The following ZBTB21 variants were observed in gnomAD, a reference collection of about 807,000 sequenced individuals.
The protein encoded by ZBTB21 is zinc finger and BTB domain-containing protein 21.
In ZBTB21, 10 loss-of-function variants were observed where a neutral mutation model predicts 39.8. That is an observed-to-expected ratio of 0.25 (90% CI 0.16 to 0.43). The LOEUF is 0.43. Ranked by LOEUF, ZBTB21 falls within the 20% of genes least tolerant of loss-of-function variation. The pLI, the probability that ZBTB21 is intolerant of heterozygous loss-of-function variation, is 1.00. For synonymous variants in ZBTB21, 551 were observed against 498.8 expected (o/e 1.10, Z -1.40); for missense variants, 1,221 against 1,296.3 (o/e 0.94, Z 0.89).
At chr21:41,997,926 C>T (rs1035840851) in intron 2 of ZBTB21, among the ~76,000 whole-genome samples, 1 of 151,550 alleles carries the variant, frequency 6.6e-6, no homozygotes, top group Non-Finnish European at 1.5e-5. Flanking sequence ...GTGGCAGATC[C>T]CTCACCTGAG....
Position 41,991,151 on chromosome 21 carries a change from G to A in ZBTB21, c.2945C>T (p.Pro982Leu), listed in dbSNP as rs2065646655. Residue 982 changes from proline (P) to leucine (L), a missense_variant, in exon 3 of 3, where the codon CCC becomes CTC. Coordinates refer to ENST00000310826, the MANE Select transcript of ZBTB21 (RefSeq NM_001098402.2). The surrounding 1 kb of genome is among the most constrained non-coding windows in gnomAD (Gnocchi z 4.9). Reference protein sequence around the residue: ...SEVCPVPTNSPSPPPLPPPPP... With the variant: ...SEVCPVPTNSLSPPPLPPPPP... ...TGGCGGTGGCAGAGGTGGTGGAGAGGGAGAGTTTGTGGGAACAGGGCACAC... is the reference window on the plus strand; with the variant it reads ...TGGCGGTGGCAGAGGTGGTGGAGAGAGAGAGTTTGTGGGAACAGGGCACAC... The A allele has an allele frequency of 6.2e-7, 1 of 1,614,040 alleles. No homozygotes were observed. Among genetic ancestry groups the A allele is most frequent in the African/African-American group, 1.3e-5 (1 of 74,916 alleles).
At chr21:42,005,561 T>C (rs1298247979) in intron 1 of ZBTB21, among the ~76,000 whole-genome samples, 1 of 152,212 alleles carries the variant, frequency 6.6e-6, no homozygotes, top group East Asian at 1.9e-4. Flanking sequence ...CTTTTTCCAT[T>C]CAAGCCAGAC....
chr21:41,997,926 C>G (rs1035840851), intron 2 of ZBTB21, among the ~76,000 whole-genome samples: 4 of 151,550 alleles, frequency 2.6e-5, no homozygotes, highest in African/African-American at 9.7e-5. Context: ...GTGGCAGATC[C>G]CTCACCTGAG....
intron 2 of ZBTB21, among the ~76,000 whole-genome samples, chr21:42,001,493 G>A (rs1228450603): frequency 6.6e-6 from 1 of 152,228 alleles, no homozygotes; most frequent in Non-Finnish European, 1.5e-5. Context: ...GCCTAGTCCA[G>A]TATGCTGAGC....
chr21:41,991,093 A>G lies in ZBTB21; in HGVS notation c.3003T>C (p.Pro1001=). The G allele has an allele frequency of 6.2e-7, 1 of 1,611,768 alleles. No individual in the cohort carries two copies. The highest frequency in any genetic ancestry group is 1.1e-5 in the South Asian group (1 of 90,648). ...TTTCGGACAGGCCTGTGGGGCTGTC[A>G]GGCTCCAGAGGCTGGATCTTGGGCA... ...PPLPKIQPLE[P]DSPTGLSENP... The change falls in exon 3 of 3, where the codon CCT becomes CCC. Residue 1001 remains proline, a synonymous_variant. Coordinates refer to ENST00000310826, the MANE Select transcript of ZBTB21 (RefSeq NM_001098402.2). This position sits in a 1 kb window ranked among gnomAD's most constrained non-coding sequence, Gnocchi z 4.9.
At chr21:42,004,920 G>C (rs2065861342) in intron 1 of ZBTB21, among the ~76,000 whole-genome samples, 1 of 152,218 alleles carries the variant, frequency 6.6e-6, no homozygotes, top group South Asian at 2.1e-4. Context: ...AGTTGCCTCT[G>C]AGTTTCGGTC....
chr21:41,991,660 G>A lies in ZBTB21; in HGVS notation c.2436C>T (p.Pro812=), dbSNP rs145176244. 4.5e-4 allele frequency: 721 copies of A among 1,614,064 alleles called. No individual in the cohort carries two copies. Among genetic ancestry groups the A allele is most frequent in the Non-Finnish European group, 5.5e-4 (654 of 1,180,032 alleles). Residue 812 remains proline, a synonymous_variant, in exon 3 of 3, where the codon CCC becomes CCT. Transcript: ENST00000310826. The surrounding 1 kb of genome is among the most constrained non-coding windows in gnomAD (Gnocchi z 4.9). ...TCACATCACCATTGTGGTCCAAAAC[G>A]GGCAAAGAAAAGTTTTCGGTGGGTG... ...NMAPTENFSL[P]VLDHNGDVTG...
At chr21:42,006,549 T>G (rs1405239123) in intron 1 of ZBTB21, among the ~76,000 whole-genome samples, 2 of 152,110 alleles carry the variant, frequency 1.3e-5, no homozygotes, top group African/African-American at 4.8e-5. Context: ...CTCCCCAATC[T>G]GGAAAGTCCT....
rs1333479266 is a variant in ZBTB21 at position 41,991,899 on chromosome 21, A to G, written c.2197T>C (p.Ser733Pro). 5.0e-6 allele frequency: 8 copies of G among 1,614,130 alleles called. No homozygotes were observed. The highest frequency in any genetic ancestry group is 1.1e-5 in the South Asian group (1 of 91,084). The change falls in exon 3 of 3, where the codon TCT becomes CCT. Residue 733 changes from serine (S) to proline (P), a missense_variant. By Grantham distance (74) the Ser-to-Pro change is moderately conservative. This residue lies in a region of ZBTB21 where 523 missense variants were observed against 542.5 expected (regional missense o/e 0.96). Transcript: ENST00000310826. This position sits in a 1 kb window ranked among gnomAD's most constrained non-coding sequence, Gnocchi z 4.9. The part of the protein sequence containing the change: ...QCRLCNAKLS[S>P]LLEQGSHERL... The stretch of plus-strand genomic sequence containing the variant: ...TCGTGGCTTCCTTGCTCTAGGAGAG[A>G]AGAGAGCTTAGCATTACAGAGGCGG...
intron 1 of ZBTB21, among the ~76,000 whole-genome samples, chr21:42,006,573 A>G (rs1368518388): frequency 1.3e-5 from 2 of 151,818 alleles, no homozygotes; most frequent in African/African-American, 4.8e-5. Flanking sequence ...ACTCACCTAA[A>G]CCCCTCCTCA....
intron 2 of ZBTB21, among the ~76,000 whole-genome samples, chr21:41,999,284 A>G (rs1176290952): frequency 6.6e-6 from 1 of 152,248 alleles, no homozygotes; most frequent in East Asian, 1.9e-4. Flanking sequence ...GTTTAAAACT[A>G]GCAATTAAAA....
chr21:42,001,464 A>ACCTGTGCAG (rs1236902336), intron 2 of ZBTB21, among the ~76,000 whole-genome samples: 6 of 152,366 alleles, frequency 3.9e-5, no homozygotes, highest in African/African-American at 9.6e-5. Context: ...GTGCAGGAAG[A>ACCTGTGCAG]GAACAGGTCA....
intron 2 of ZBTB21, among the ~76,000 whole-genome samples, chr21:41,996,292 C>T (rs570812764): frequency 7.2e-5 from 11 of 152,358 alleles, no homozygotes; most frequent in African/African-American, 2.6e-4. Flanking sequence ...GGGCTATACC[C>T]TGCAAAGCCA....
intron 2 of ZBTB21, among the ~76,000 whole-genome samples, chr21:41,996,817 G>A (rs2065753133): frequency 6.6e-6 from 1 of 152,200 alleles, no homozygotes; most frequent in Non-Finnish European, 1.5e-5. Context: ...GATCATGGGG[G>A]CAGGTCTTTC....
Position 41,999,970 on chromosome 21 carries a change from G to A in ZBTB21, c.-14+2927C>T, listed in dbSNP as rs115701920. Among the ~76,000 whole-genome samples the A allele has an allele frequency of 2.5e-3, 382 of 152,330 alleles. 4 individuals carry two copies. Among genetic ancestry groups the A allele is most frequent in the African/African-American group, 8.8e-3 (366 of 41,578 alleles). On this transcript the variant is annotated intron_variant, in intron 2 of 2. Coordinates refer to ENST00000310826, the MANE Select transcript of ZBTB21 (RefSeq NM_001098402.2). ...TCCAAAGGATTGCTCTGGCTCTGTT[G>A]TTGAGATTAGACAACAGAGGGTAGG...
At chr21:42,006,513 C>T (rs945092685) in intron 1 of ZBTB21, among the ~76,000 whole-genome samples, 2 of 152,018 alleles carry the variant, frequency 1.3e-5, no homozygotes, top group Non-Finnish European at 2.9e-5. Flanking sequence ...TCTCTAAGAC[C>T]TAACCTGCAC....
chr21:42,000,193 G>C (rs2065800849), intron 2 of ZBTB21, among the ~76,000 whole-genome samples: 1 of 152,170 alleles, frequency 6.6e-6, no homozygotes, highest in Non-Finnish European at 1.5e-5. Context: ...CCTTAGGAGA[G>C]ATGGGGTTTG....
In ZBTB21 at chr21:41,990,743, T is replaced by A; in HGVS notation, c.*152A>T. 1.5e-6 allele frequency: 1 copy of A among 689,406 alleles called. No individual in the cohort carries two copies. Among genetic ancestry groups the A allele is most frequent in the Non-Finnish European group, 2.2e-6 (1 of 456,356 alleles). The allele number at this position is 689,406 out of a possible 1,614,324, so 42.7% of individuals were successfully genotyped here. On this transcript the variant is annotated 3_prime_UTR_variant, in exon 3 of 3. Coordinates refer to ENST00000310826, the MANE Select transcript of ZBTB21 (RefSeq NM_001098402.2). ...TTCTAAAGTTAAGGACATTACTAAG[T>A]AATTATCAATTTGCCTCCAACTTAA...
At chr21:41,997,133 G>T (rs959459819) in intron 2 of ZBTB21, among the ~76,000 whole-genome samples, 2 of 151,964 alleles carry the variant, frequency 1.3e-5, no homozygotes, top group African/African-American at 4.8e-5. Context: ...TGTTGCTCAG[G>T]CTGGTCTCCA....
Sources: gnomAD v4.1 joint callset for allele counts (sites outside exome capture counted in the v4.1 genomes callset) on GRCh38, gnomAD v4.1.1 for gene constraint, gnomAD v4.1.1 regional missense constraint, Gnocchi (gnomAD v3.1) non-coding constraint, MANE v1.5 for transcripts, NCBI Gene and HGNC (gene_info 2026-07-23, HGNC 2026-07-21) for gene names.